SHROOM3: variants seen among roughly 807,000 people sequenced by gnomAD.
SHROOM3 encodes protein Shroom3.
A neutral mutation model predicts 138.6 loss-of-function variants in SHROOM3; 47 were observed. That is an observed-to-expected ratio of 0.34 (90% confidence interval 0.27 to 0.43). The LOEUF (loss-of-function observed/expected upper bound fraction) is 0.43. SHROOM3 is among the 20% of genes least tolerant of loss of function. The pLI is 1.00. For missense variants in SHROOM3, 2,491 were observed against 2,596.5 expected (o/e 0.96, Z 0.88); for synonymous variants, 1,062 against 1,063.3 (o/e 1.00, Z 0.02).
At chr4:76,584,320 GAAAA>G (rs566058838) in intron 2 of SHROOM3, among the ~76,000 whole-genome samples, 1 of 117,314 alleles carries the variant, frequency 8.5e-6, no homozygotes, top group Non-Finnish European at 1.9e-5. Flanking sequence ...GCATCTCAAA[GAAAA>G]AAAAAAAAAA....
intron 1 of SHROOM3, among the ~76,000 whole-genome samples, chr4:76,495,224 T>C (rs542872934): frequency 1.3e-5 from 2 of 152,320 alleles, no homozygotes; most frequent in South Asian, 4.1e-4. Context: ...ATTGGTGCCA[T>C]GCCCAGGTCC....
chr4:76,633,332 C>CAAAAAAAAAAAAAAA (rs56002974), intron 2 of SHROOM3, among the ~76,000 whole-genome samples: 2 of 83,858 alleles, frequency 2.4e-5, no homozygotes, highest in African/African-American at 9.3e-5. Context: ...GACTCAGTCT[C>CAAAAAAAAAAAAAAA]AAAAAAAAAA....
At chr4:76,749,123 A>G (rs1721543376) in intron 6 of SHROOM3, 33 bp downstream of exon 6, 1 of 1,571,264 alleles carries the variant, frequency 6.4e-7, no homozygotes, top group Non-Finnish European at 8.8e-7. Context: ...CTCTCTGCAT[A>G]TGAATGCTGC....
At chr4:76,680,106 G>A (rs982733880) in intron 2 of SHROOM3, among the ~76,000 whole-genome samples, 3 of 151,748 alleles carry the variant, frequency 2.0e-5, no homozygotes, top group African/African-American at 7.3e-5. Flanking sequence ...TTAAGCTGGT[G>A]AGGTTTTGTT....
chr4:76,530,180 A>G (rs929293482), intron 1 of SHROOM3, among the ~76,000 whole-genome samples: 3 of 152,316 alleles, frequency 2.0e-5, no homozygotes, highest in Admixed American at 2.0e-4. Flanking sequence ...ACGCATATGG[A>G]AACGCATTTA....
At chr4:76,703,771 A>G (rs1243327347) in intron 2 of SHROOM3, among the ~76,000 whole-genome samples, 1 of 152,242 alleles carries the variant, frequency 6.6e-6, no homozygotes, top group African/African-American at 2.4e-5. Context: ...ACAAATTGCC[A>G]CATGAATGAG....
intron 9 of SHROOM3, among the ~76,000 whole-genome samples, chr4:76,765,670 T>G (rs559105010): frequency 6.6e-6 from 1 of 152,284 alleles, no homozygotes; most frequent in South Asian, 2.1e-4. Flanking sequence ...GGAAGGAGTA[T>G]TCCCCCTACA....
At chr4:76,496,154 G>A (rs1731964354) in intron 1 of SHROOM3, among the ~76,000 whole-genome samples, 1 of 152,254 alleles carries the variant, frequency 6.6e-6, no homozygotes, top group Admixed American at 6.5e-5. Flanking sequence ...CTAATGACAT[G>A]TCTAGGATAT....
chr4:76,510,824 C>A (rs1000327670), intron 1 of SHROOM3, among the ~76,000 whole-genome samples: 1 of 152,106 alleles, frequency 6.6e-6, no homozygotes, highest in African/African-American at 2.4e-5. Flanking sequence ...GGTCTTGGTT[C>A]CCTCATCAGT....
intron 1 of SHROOM3, among the ~76,000 whole-genome samples, chr4:76,507,010 C>T (rs532195585): frequency 1.4e-4 from 21 of 152,170 alleles, no homozygotes; most frequent in African/African-American, 2.6e-4. Flanking sequence ...TACTAAAAAA[C>T]GGAACCTTGT....
chr4:76,717,840 T>C (rs188191427), intron 3 of SHROOM3, among the ~76,000 whole-genome samples: 19 of 152,354 alleles, frequency 1.2e-4, no homozygotes, highest in Admixed American at 1.2e-3. Context: ...GAAGTATTGA[T>C]TGAGATTGCC....
At chr4:76,697,087 A>ATTTTTT (rs1163545473) in intron 2 of SHROOM3, among the ~76,000 whole-genome samples, 9 of 135,786 alleles carry the variant, frequency 6.6e-5, no homozygotes, top group African/African-American at 2.5e-4. Flanking sequence ...CAGCTAATTA[A>ATTTTTT]TTTTTTTTTT....
chr4:76,601,107 TTTAAAA>T (rs1192996658), intron 2 of SHROOM3, among the ~76,000 whole-genome samples: 2 of 152,228 alleles, frequency 1.3e-5, no homozygotes, highest in Non-Finnish European at 2.9e-5. Context: ...TTTCAGAGTG[TTTAAAA>T]TTAGCCACCC....
chr4:76,735,862 AAAAAAAATATATATATATATATATAT>A (rs1489040627), intron 4 of SHROOM3, among the ~76,000 whole-genome samples: 142 of 17,494 alleles, frequency 8.1e-3, no homozygotes, highest in Middle Eastern at 0.031. Context: ...AAAAAAAAAA[AAAAAAAATATATATATATATATATAT>A]ATATATATAT....
At chr4:76,573,677 C>T (rs1315371800) in intron 2 of SHROOM3, 2 of 153,680 alleles carry the variant, frequency 1.3e-5, no homozygotes, top group African/African-American at 2.4e-5. Context: ...AACGCTGAAT[C>T]CTGCAGCTGG....
At chr4:76,616,602 G>A (rs145195207) in intron 2 of SHROOM3, among the ~76,000 whole-genome samples, 4 of 152,134 alleles carry the variant, frequency 2.6e-5, no homozygotes, top group South Asian at 2.1e-4. Flanking sequence ...ATCTGATTCC[G>A]ATTATCTGAG....
chr4:76,522,008 T>A (rs1732576199), intron 1 of SHROOM3, among the ~76,000 whole-genome samples: 1 of 151,664 alleles, frequency 6.6e-6, no homozygotes, highest in South Asian at 2.1e-4. Flanking sequence ...ATCAGACAAA[T>A]CCAAATTTGG....
chr4:76,588,123 C>T (rs1734189193), intron 2 of SHROOM3, among the ~76,000 whole-genome samples: 1 of 152,144 alleles, frequency 6.6e-6, no homozygotes, highest in Admixed American at 6.5e-5. Context: ...GGTTGAAAAA[C>T]TTCTTAACAA....
chr4:76,553,997 C>G (rs1247703779), intron 1 of SHROOM3, among the ~76,000 whole-genome samples: 1 of 152,196 alleles, frequency 6.6e-6, no homozygotes, highest in Non-Finnish European at 1.5e-5. Flanking sequence ...AGTAGGTTCA[C>G]TCTTGGTGCT....
Sources: gnomAD v4.1 joint callset for allele counts (sites outside exome capture counted in the v4.1 genomes callset) on GRCh38, gnomAD v4.1.1 for gene constraint, MANE v1.5 for transcripts, NCBI Gene and HGNC (gene_info 2026-07-23, HGNC 2026-07-21) for gene names.